POU2F3: variants seen among roughly 807,000 people sequenced by gnomAD.
POU2F3 encodes POU class 2 homeobox 3, also known as POU domain, class 2, transcription factor 3.
In POU2F3, 23 loss-of-function variants were observed where a neutral mutation model predicts 59.2. The observed-to-expected ratio is 0.39, with a 90% CI of 0.28 to 0.55. POU2F3 has a LOEUF of 0.55. POU2F3 is among the 20% of genes least tolerant of loss of function. The probability of loss-of-function intolerance (pLI) is 0.66; values close to 1 mark genes in which losing one functional copy is unlikely to be tolerated. For missense variants in POU2F3, 473 were observed against 544.5 expected (o/e 0.87, Z 1.31); for synonymous variants, 190 against 214.6 (o/e 0.89, Z 1.00).
rs1159576352 is a variant in POU2F3, at chr11:120,319,428, ATTTTTT to A, written c.*1040_*1045del. 5.2e-3 allele frequency: 710 copies of A among 137,200 alleles called. 3 individuals carry two copies. The highest frequency in any genetic ancestry group is 8.0e-3 in the East Asian group (37 of 4,608). 8.5% of individuals were successfully genotyped at this position (137,200 alleles called of 1,614,324 possible). ...TTCCAGAGTTCCCACATGGGCTGGG[ATTTTTT>A]TTTCTTTTTCTTTTTTTTTTTTTTT... On this transcript the variant is annotated 3_prime_UTR_variant, in exon 13 of 13. Coordinates refer to ENST00000543440, the MANE Select transcript of POU2F3 (RefSeq NM_014352.4).
chr11:120,308,690 C>T (rs1434083639), intron 9 of POU2F3, among the ~76,000 whole-genome samples: 1 of 151,972 alleles, frequency 6.6e-6, no homozygotes, highest in Non-Finnish European at 1.5e-5. Flanking sequence ...GTAATCCCAG[C>T]ACTTTGGGAG....
At chr11:120,299,279 G>C (rs926578321) in intron 4 of POU2F3, among the ~76,000 whole-genome samples, 1 of 152,172 alleles carries the variant, frequency 6.6e-6, no homozygotes, top group Admixed American at 6.5e-5. Flanking sequence ...GTTATCTCTA[G>C]GATAAACTTT....
At chr11:120,304,422 C>G (rs1941428377) in intron 6 of POU2F3, 1 of 151,432 alleles carries the variant, frequency 6.6e-6, no homozygotes, top group Non-Finnish European at 1.5e-5. Context: ...TATAAAGGTA[C>G]TGATTAAAAT....
chr11:120,246,866 C>G (rs1485630661), intron 2 of POU2F3, among the ~76,000 whole-genome samples: 1 of 152,120 alleles, frequency 6.6e-6, no homozygotes, highest in East Asian at 1.9e-4. Context: ...CCTTTTAGCC[C>G]CAGATACCTT....
chr11:120,269,253 T>A lies in POU2F3; in HGVS notation c.132+9T>A, dbSNP rs1420119181. 5 of 1,580,760 alleles carry A rather than the reference T, an allele frequency of 3.2e-6. No individual in the cohort carries two copies. The highest frequency in any genetic ancestry group is 3.3e-5 in the Admixed American group (2 of 59,928). ...TAGATTTCAACAGGCAGGTAAGAAC[T>A]TGGGTCAGAAAGAAACGTTTATTCT... On this transcript the variant is annotated intron_variant, in intron 3 of 12. Coordinates refer to ENST00000543440, the MANE Select transcript of POU2F3 (RefSeq NM_014352.4).
At chr11:120,277,120 G>T (rs1302361560) in intron 3 of POU2F3, among the ~76,000 whole-genome samples, 1 of 151,076 alleles carries the variant, frequency 6.6e-6, no homozygotes, top group Non-Finnish European at 1.5e-5. Context: ...AAAAAAATTA[G>T]CTACTAAAAA....
intron 9 of POU2F3, among the ~76,000 whole-genome samples, chr11:120,308,854 G>A (rs12787658): frequency 0.53 from 78,664 of 148,276 alleles, 21,293 homozygotes; most frequent in African/African-American, 0.6. Flanking sequence ...AGAGAGAATT[G>A]CTTGAACCCG....
intron 2 of POU2F3, among the ~76,000 whole-genome samples, chr11:120,246,940 G>A (rs1401414259): frequency 6.6e-6 from 1 of 152,136 alleles, no homozygotes; most frequent in East Asian, 1.9e-4. Flanking sequence ...TCCAAATAAC[G>A]TGCATGTGGG....
chr11:120,255,348 G>A (rs1939291281), intron 2 of POU2F3, among the ~76,000 whole-genome samples: 2 of 152,068 alleles, frequency 1.3e-5, no homozygotes, highest in Non-Finnish European at 2.9e-5. Context: ...AAAAAGGAAC[G>A]AAAAATCGAA....
intron 2 of POU2F3, among the ~76,000 whole-genome samples, chr11:120,253,087 G>C (rs1166027328): frequency 6.6e-6 from 1 of 152,006 alleles, no homozygotes; most frequent in Non-Finnish European, 1.5e-5. Flanking sequence ...AACAGTCTGG[G>C]AGGAGGACCA....
At chr11:120,317,184 C>G (rs558340303) in intron 11 of POU2F3, 45 bp from the exon 12 acceptor site, 1 of 1,609,356 alleles carries the variant, frequency 6.2e-7, no homozygotes, top group East Asian at 2.2e-5. Flanking sequence ...TCCCGGGATC[C>G]AGCAGCATTA....
At chr11:120,267,149 G>A (rs1044985910) in intron 2 of POU2F3, among the ~76,000 whole-genome samples, 135 of 144,656 alleles carry the variant, frequency 9.3e-4, no homozygotes, top group African/African-American at 3.1e-3. Context: ...TTTTTTTTTA[G>A]ACAGAGTTTC....
intron 2 of POU2F3, among the ~76,000 whole-genome samples, chr11:120,252,953 T>C (rs966761902): frequency 6.6e-5 from 10 of 152,146 alleles, no homozygotes; most frequent in African/African-American, 2.4e-4. Context: ...GGACTCCTTT[T>C]CTGTTCAACG....
In POU2F3 at chr11:120,302,327, G is replaced by T. The variant is rs200455762; in HGVS notation, c.403G>T (p.Gly135Cys). The stretch of plus-strand genomic sequence containing the variant: ...CCTCCCCTTTCCACAGCAACAAAGC[G>T]GTCTCCTCCTCCCACAGACTGGGCC... ...NLLPFPQQQSGLLLPQTGPGL... is the reference protein window; with the variant it reads ...NLLPFPQQQSCLLLPQTGPGL... The change falls in exon 6 of 13, where the codon GGT (glycine) becomes TGT (cysteine). Residue 135 changes from glycine to cysteine, a missense_variant. Physicochemically the swap from Gly to Cys is radical, Grantham distance 159. Coordinates refer to ENST00000543440, the MANE Select transcript of POU2F3 (RefSeq NM_014352.4). The T allele has an allele frequency of 6.2e-7, 1 of 1,613,016 alleles. No individual in the cohort carries two copies. Among genetic ancestry groups the T allele is most frequent in the Non-Finnish European group, 8.5e-7 (1 of 1,179,196 alleles).
intron 10 of POU2F3, 120 bp from the exon 11 acceptor site, chr11:120,315,241 A>G (rs1941754472): frequency 1.1e-6 from 1 of 898,420 alleles, no homozygotes; most frequent in Non-Finnish European, 1.8e-6. Context: ...AGGCTAGGAA[A>G]TCACCAAGGA....
chr11:120,263,211 C>T (rs1939680589), intron 2 of POU2F3, among the ~76,000 whole-genome samples: 1 of 152,134 alleles, frequency 6.6e-6, no homozygotes, highest in South Asian at 2.1e-4. Context: ...AGGCTGGTCT[C>T]GAACTCCTGA....
Position 120,317,377 on chromosome 11 carries a change from G to T in POU2F3, c.1271+13G>T, listed in dbSNP as rs191170546. ...TTAACTCTTCAGGGTAAGGTGAAGGGGACGGTGCAGAGACATCCCAGCAGG... is the reference window on the plus strand; with the variant it reads ...TTAACTCTTCAGGGTAAGGTGAAGGTGACGGTGCAGAGACATCCCAGCAGG... On this transcript the variant is annotated intron_variant, in intron 12 of 12. Coordinates refer to ENST00000543440, the MANE Select transcript of POU2F3 (RefSeq NM_014352.4). The T allele has an allele frequency of 6.2e-7, 1 of 1,614,048 alleles. No individual in the cohort carries two copies. Among genetic ancestry groups the T allele is most frequent in the South Asian group, 1.1e-5 (1 of 91,078 alleles).
Position 120,299,679 on chromosome 11 carries a change from A to C in POU2F3, c.314A>C (p.Gln105Pro), listed in dbSNP as rs1941290371. 1.2e-6 allele frequency: 2 copies of C among 1,613,836 alleles called. No individual in the cohort carries two copies. The highest frequency in any genetic ancestry group is 1.7e-6 in the Non-Finnish European group (2 of 1,179,996). Residue 105 changes from glutamine (Q) to proline (P), a missense_variant, in exon 5 of 13, where the codon CAG becomes CCG. Transcript: ENST00000543440. ...QQLVLVPGHL[Q>P]SVSQFLLSQT... is the part of the protein sequence containing the mutation. ...CTTGTGCTGGTTCCCGGCCACTTAC[A>C]GTCTGTATCCCAGTTCCTGCTATCT...
chr11:120,284,092 T>C (rs7479050), intron 3 of POU2F3, among the ~76,000 whole-genome samples: 43,428 of 151,892 alleles, frequency 0.29, 8,036 homozygotes, highest in East Asian at 0.85. Flanking sequence ...GGCAGGAGAA[T>C]CACTTGAACC....
Sources: allele counts gnomAD v4.1 joint callset (sites outside exome capture counted in the v4.1 genomes callset), GRCh38; gene constraint gnomAD v4.1.1; transcripts MANE v1.5; gene names NCBI Gene and HGNC (gene_info 2026-07-23, HGNC 2026-07-21).